Variants in RAPGEF4 observed in about 807,000 individuals in gnomAD.
RAPGEF4 encodes RAP guanine-nucleotide-exchange factor (GEF) 4.
In RAPGEF4, 66 loss-of-function variants were observed where a neutral mutation model predicts 147.9. The observed-to-expected ratio is 0.45, with a 90% CI of 0.37 to 0.55. The LOEUF is 0.55. Ranked by LOEUF, RAPGEF4 falls within the 20% of genes least tolerant of loss-of-function variation. The probability of loss-of-function intolerance (pLI) is 0.00; values close to 1 mark genes in which losing one functional copy is unlikely to be tolerated. For synonymous variants in RAPGEF4, 419 were observed against 442.7 expected (o/e 0.95, Z 0.67); for missense variants, 1,071 against 1,257.3 (o/e 0.85, Z 2.24).
At chr2:172,815,154 T>G (rs1401837385) in intron 4 of RAPGEF4, among the ~76,000 whole-genome samples, 1 of 152,258 alleles carries the variant, frequency 6.6e-6, no homozygotes, top group Non-Finnish European at 1.5e-5. Context: ...ACCTGCTCCT[T>G]GTCTTTGTCC....
At chr2:172,771,682 C>G (rs905845880) in intron 1 of RAPGEF4, among the ~76,000 whole-genome samples, 2 of 152,116 alleles carry the variant, frequency 1.3e-5, no homozygotes, top group African/African-American at 4.8e-5. Flanking sequence ...TGGGCACAAG[C>G]AGTCCTCCCA....
At chr2:172,924,070 C>G (rs774510187) in intron 6 of RAPGEF4, among the ~76,000 whole-genome samples, 1 of 152,098 alleles carries the variant, frequency 6.6e-6, no homozygotes, top group Non-Finnish European at 1.5e-5. Flanking sequence ...CATGGATGTC[C>G]CAAATTATCC....
intron 4 of RAPGEF4, among the ~76,000 whole-genome samples, chr2:172,889,387 A>G (rs1697624327): frequency 6.6e-6 from 1 of 152,168 alleles, no homozygotes. Flanking sequence ...AAAGAGTCGT[A>G]TTTGCTTACA....
intron 4 of RAPGEF4, among the ~76,000 whole-genome samples, chr2:172,896,512 A>G (rs1698490379): frequency 6.6e-6 from 1 of 152,192 alleles, no homozygotes; most frequent in Admixed American, 6.5e-5. Flanking sequence ...TTAGAAAATG[A>G]TTAATCTTAG....
At chr2:172,983,781 G>T (rs1157846646) in intron 11 of RAPGEF4, among the ~76,000 whole-genome samples, 1 of 152,116 alleles carries the variant, frequency 6.6e-6, no homozygotes, top group Admixed American at 6.5e-5. Context: ...CCTATTATTG[G>T]TAGTTGCCCA....
At chr2:172,912,486 G>A (rs182289531) in intron 4 of RAPGEF4, among the ~76,000 whole-genome samples, 1 of 152,260 alleles carries the variant, frequency 6.6e-6, no homozygotes, top group Non-Finnish European at 1.5e-5. Context: ...TGCACAGTTG[G>A]CCTCCTTACT....
chr2:172,962,406 T>C (rs1689387865), intron 8 of RAPGEF4, among the ~76,000 whole-genome samples: 1 of 152,086 alleles, frequency 6.6e-6, no homozygotes, highest in Non-Finnish European at 1.5e-5. Context: ...CTACCAACTA[T>C]GATAGAATCT....
At chr2:172,762,310 C>G (rs951100679) in intron 1 of RAPGEF4, among the ~76,000 whole-genome samples, 2 of 152,142 alleles carry the variant, frequency 1.3e-5, no homozygotes, top group African/African-American at 4.8e-5. Context: ...ATCCAGCCAC[C>G]CCACATGCAA....
chr2:172,784,674 A>G (rs1444793819), intron 1 of RAPGEF4, among the ~76,000 whole-genome samples: 4 of 152,170 alleles, frequency 2.6e-5, no homozygotes, highest in African/African-American at 7.2e-5. Context: ...GTGGTTAATA[A>G]TCATATAATT....
intron 1 of RAPGEF4, 123 bp downstream of exon 1, chr2:172,736,171 G>A: frequency 3.0e-6 from 2 of 670,528 alleles, no homozygotes; most frequent in Non-Finnish European, 4.2e-6. Flanking sequence ...GTCCCCGAGC[G>A]GGGGAAGGGG....
chr2:172,767,930 C>T (rs558359207), intron 1 of RAPGEF4, among the ~76,000 whole-genome samples: 47 of 152,150 alleles, frequency 3.1e-4, no homozygotes, highest in Non-Finnish European at 5.1e-4. Flanking sequence ...GCAACCTCAG[C>T]CTCCCGAGTA....
intron 1 of RAPGEF4, among the ~76,000 whole-genome samples, chr2:172,747,156 C>T (rs981031311): frequency 6.6e-6 from 1 of 152,186 alleles, no homozygotes; most frequent in Admixed American, 6.5e-5. Flanking sequence ...GTGTTTGGGG[C>T]AGCGTTAGAA....
At chr2:172,758,252 A>G (rs1695964201) in intron 1 of RAPGEF4, among the ~76,000 whole-genome samples, 1 of 152,060 alleles carries the variant, frequency 6.6e-6, no homozygotes, top group Non-Finnish European at 1.5e-5. Flanking sequence ...GATGGTAAGG[A>G]TGTTGTGGCC....
At chr2:172,806,088 A>C (rs1283817968) in intron 3 of RAPGEF4, among the ~76,000 whole-genome samples, 1 of 151,430 alleles carries the variant, frequency 6.6e-6, no homozygotes, top group East Asian at 1.9e-4. Context: ...AGAAAGGGAG[A>C]GAGAAGGTCC....
intron 23 of RAPGEF4, among the ~76,000 whole-genome samples, chr2:173,022,344 T>C (rs548420857): frequency 6.6e-6 from 1 of 152,222 alleles, no homozygotes; most frequent in African/African-American, 2.4e-5. Context: ...TTTTAAGGCC[T>C]CTGTCGTTGG....
chr2:172,994,927 GT>G (rs1693180702), intron 15 of RAPGEF4, among the ~76,000 whole-genome samples: 1 of 151,794 alleles, frequency 6.6e-6, no homozygotes, highest in Non-Finnish European at 1.5e-5. Context: ...AGACTTAACT[GT>G]TTAGCTTCCT....
intron 6 of RAPGEF4, among the ~76,000 whole-genome samples, chr2:172,957,744 T>G (rs767645901): frequency 2.2e-4 from 34 of 152,226 alleles, no homozygotes; most frequent in Non-Finnish European, 4.4e-4. Flanking sequence ...GATCTGAGGA[T>G]TCTGCCTTTC....
intron 1 of RAPGEF4, among the ~76,000 whole-genome samples, chr2:172,783,394 C>T (rs527540315): frequency 9.2e-5 from 14 of 152,252 alleles, no homozygotes; most frequent in East Asian, 5.8e-4. Flanking sequence ...TAAAAGCAAG[C>T]GGGTATGACT....
At position 173,001,271 on chromosome 2, in the gene RAPGEF4, GT is replaced by G; in HGVS notation, c.1589del (p.Leu530Ter). 6.2e-7 allele frequency: 1 copy of G among 1,613,552 alleles called. No individual in the cohort carries two copies. Among genetic ancestry groups the G allele is most frequent in the Non-Finnish European group, 8.5e-7 (1 of 1,179,816 alleles). Reference protein sequence around the residue: ...EATLNEATDSVLNDFIMMHCV... With the variant: ...EATLNEATDSXLNDFIMMHCV... ...CTGTTTTTTTCCCCTTCCAGATTCT[GT>G]TTTAAATGACTTTATTATGATGCAC... On this transcript the variant is annotated frameshift_variant, in exon 17 of 31. Coordinates refer to ENST00000397081, the MANE Select transcript of RAPGEF4 (RefSeq NM_007023.4). LOFTEE classifies it high-confidence loss of function.
Sources: gnomAD v4.1 joint callset for allele counts (sites outside exome capture counted in the v4.1 genomes callset) on GRCh38, gnomAD v4.1.1 for gene constraint, MANE v1.5 for transcripts, NCBI Gene and HGNC (gene_info 2026-07-23, HGNC 2026-07-21) for gene names.